MYO3B: variants seen among roughly 807,000 people sequenced by gnomAD.
MYO3B encodes myosin-IIIb.
MYO3B carries 156 observed loss-of-function variants against 174.6 expected under a neutral mutation model. The ratio of observed to expected loss-of-function variants is 0.89; its 90% CI spans 0.78 to 1.02. MYO3B has a LOEUF of 1.02. Among genes scored for constraint, MYO3B ranks in the 50% least tolerant of loss-of-function variants. The pLI is 0.00. For missense variants in MYO3B, 1,632 were observed against 1,639.4 expected, an observed-to-expected ratio of 1.00 and a Z score of 0.08; for synonymous variants, 563 against 569.1, an observed-to-expected ratio of 0.99 and a Z score of 0.15.
At chr2:170,366,005 G>T (rs147615795) in intron 8 of MYO3B, among the ~76,000 whole-genome samples, 9 of 152,242 alleles carry the variant, frequency 5.9e-5, no homozygotes, top group African/African-American at 2.2e-4. Flanking sequence ...AATGAAGGTT[G>T]CCAGGTGGAG....
chr2:170,580,718 A>ATATATGTGTGTGTGTGTGTG (rs768974458), intron 32 of MYO3B, among the ~76,000 whole-genome samples: 1 of 142,702 alleles, frequency 7.0e-6, no homozygotes, highest in Non-Finnish European at 1.5e-5. Context: ...AACCTTATAT[A>ATATATGTGTGTGTGTGTGTG]TGTGTGTGTG....
At chr2:170,211,042 G>A (rs1215392632) in intron 3 of MYO3B, among the ~76,000 whole-genome samples, 2 of 152,120 alleles carry the variant, frequency 1.3e-5, no homozygotes, top group Non-Finnish European at 2.9e-5. Flanking sequence ...CTAATAAACA[G>A]GCATGACTGG....
intron 23 of MYO3B, among the ~76,000 whole-genome samples, chr2:170,461,844 GC>G (rs144458028): frequency 0.061 from 9,212 of 152,000 alleles, 356 homozygotes; most frequent in Non-Finnish European, 0.078. Flanking sequence ...ATGGAGGTCG[GC>G]GGGGCCGGGG....
chr2:170,475,703 A>G (rs1685273166), intron 25 of MYO3B, among the ~76,000 whole-genome samples: 1 of 152,218 alleles, frequency 6.6e-6, no homozygotes, highest in Admixed American at 6.5e-5. Context: ...TTACGTTTAT[A>G]AAAATATCAA....
intron 7 of MYO3B, 77 bp downstream of exon 7, chr2:170,236,213 C>G (rs2093068595): frequency 1.3e-6 from 2 of 1,523,954 alleles, no homozygotes; most frequent in African/African-American, 1.4e-5. Context: ...AAATAGTTTG[C>G]AAGCAATTTC....
At chr2:170,426,967 G>A (rs1398948729) in intron 22 of MYO3B, among the ~76,000 whole-genome samples, 4 of 151,816 alleles carry the variant, frequency 2.6e-5, no homozygotes, top group Non-Finnish European at 5.9e-5. Context: ...GCAGTCAGCC[G>A]AGATTGCGCC....
chr2:170,336,034 G>A (rs1413949864), intron 8 of MYO3B, among the ~76,000 whole-genome samples: 1 of 152,154 alleles, frequency 6.6e-6, no homozygotes, highest in African/African-American at 2.4e-5. Context: ...GTATTGCTGG[G>A]ACTCAGACAG....
chr2:170,390,785 C>T (rs543471602), intron 14 of MYO3B, among the ~76,000 whole-genome samples: 1 of 152,228 alleles, frequency 6.6e-6, no homozygotes, highest in East Asian at 1.9e-4. Context: ...ATCTCCAACC[C>T]ATTTTGAACT....
intron 32 of MYO3B, among the ~76,000 whole-genome samples, chr2:170,571,488 T>G (rs957103179): frequency 6.6e-6 from 1 of 152,172 alleles, no homozygotes; most frequent in Non-Finnish European, 1.5e-5. Context: ...TAGGAAGGGC[T>G]TTGTGTGCTG....
intron 14 of MYO3B, among the ~76,000 whole-genome samples, chr2:170,388,232 G>A (rs1442213436): frequency 6.6e-6 from 1 of 152,026 alleles, no homozygotes; most frequent in Non-Finnish European, 1.5e-5. Context: ...GTATTCACGG[G>A]GCTTAGAGTA....
intron 32 of MYO3B, among the ~76,000 whole-genome samples, chr2:170,635,431 T>G (rs963648776): frequency 6.7e-5 from 10 of 149,836 alleles, no homozygotes; most frequent in African/African-American, 2.5e-4. Context: ...TCGGACACAG[T>G]AAGAGGAACA....
intron 25 of MYO3B, among the ~76,000 whole-genome samples, chr2:170,495,529 C>A (rs1686807938): frequency 6.6e-6 from 1 of 151,174 alleles, no homozygotes; most frequent in Admixed American, 6.6e-5. Context: ...AAGTTAAGTT[C>A]TAATATTAAT....
chr2:170,355,247 T>C (rs1237580721), intron 8 of MYO3B, among the ~76,000 whole-genome samples: 1 of 152,222 alleles, frequency 6.6e-6, no homozygotes, highest in Non-Finnish European at 1.5e-5. Flanking sequence ...CACCTACATA[T>C]TATCTGACAA....
intron 32 of MYO3B, among the ~76,000 whole-genome samples, chr2:170,638,107 T>TCACACACA (rs139110015): frequency 5.4e-5 from 8 of 149,354 alleles, no homozygotes; most frequent in South Asian, 4.2e-4. Flanking sequence ...TCTCTCTCTC[T>TCACACACA]CTCACACACA....
Position 170,654,711 on chromosome 2 carries a change from A to C in MYO3B, c.*1590A>C, listed in dbSNP as rs951636154. 2.0e-5 allele frequency: 3 copies of C among 151,714 alleles called. No individual in the cohort carries two copies. The highest frequency in any genetic ancestry group is 4.4e-5 in the Non-Finnish European group (3 of 67,956). The allele number at this position is 151,714 out of a possible 1,614,324, so 9.4% of individuals were successfully genotyped here. On this transcript the variant is annotated 3_prime_UTR_variant, in exon 35 of 35. Transcript: ENST00000408978. ...AAGAAGACACCTAAATTTTGAGAGA[A>C]ATAACCTTGAAGAAAATCTTGTTAT...
chr2:170,489,191 C>G lies in MYO3B; in HGVS notation c.3015-9401C>G, dbSNP rs553901531. ...TCACCTTGGGCCAATTGCCTTCTCT[C>G]TGGCTTTCTCCTCTGTACAAAGAAA... On this transcript the variant is annotated intron_variant, in intron 25 of 34. Transcript: ENST00000408978. 6.1e-4 allele frequency among the ~76,000 whole-genome samples: 93 copies of G among 152,332 alleles called. 2 individuals are homozygous for G. The South Asian group carries it at 0.012, about 19-fold the overall frequency.
At chr2:170,335,920 G>T (rs1385203695) in intron 8 of MYO3B, among the ~76,000 whole-genome samples, 2 of 152,116 alleles carry the variant, frequency 1.3e-5, no homozygotes, top group East Asian at 3.9e-4. Context: ...TCAGGCTTGG[G>T]GTACCAAGGT....
chr2:170,407,600 A>C (rs72876319), intron 21 of MYO3B, 115 bp from the exon 22 acceptor site: 13 of 369,916 alleles, frequency 3.5e-5, no homozygotes, highest in Non-Finnish European at 5.6e-5. Context: ...TATGAAAGCT[A>C]TGTAAAGATG....
intron 7 of MYO3B, among the ~76,000 whole-genome samples, chr2:170,324,192 A>T (rs1487915987): frequency 6.6e-6 from 1 of 152,208 alleles, no homozygotes; most frequent in Admixed American, 6.5e-5. Flanking sequence ...ACGGAAACCC[A>T]TAAAGAGATT....
Sources: gnomAD v4.1 joint callset for allele counts (sites outside exome capture counted in the v4.1 genomes callset) on GRCh38, gnomAD v4.1.1 for gene constraint, MANE v1.5 for transcripts, NCBI Gene and HGNC (gene_info 2026-07-23, HGNC 2026-07-21) for gene names.